The following FNDC3A variants were observed in gnomAD, a reference collection of about 807,000 sequenced individuals.
FNDC3A encodes the protein fibronectin type-III domain-containing protein 3A.
In FNDC3A, 32 loss-of-function variants were observed where a neutral mutation model predicts 148.9. That is an observed-to-expected ratio of 0.21 (90% confidence interval 0.16 to 0.29). The LOEUF is 0.29. FNDC3A is among the 10% of genes least tolerant of loss of function. The probability of loss-of-function intolerance (pLI) is 1.00; values close to 1 mark genes in which losing one functional copy is unlikely to be tolerated. For synonymous variants in FNDC3A, 472 were observed against 473.6 expected (o/e 1.00, Z 0.04); for missense variants, 1,191 against 1,452.8 (o/e 0.82, Z 2.93).
At chr13:49,078,729 T>C (rs1878278915) in intron 3 of FNDC3A, among the ~76,000 whole-genome samples, 1 of 152,222 alleles carries the variant, frequency 6.6e-6, no homozygotes, top group Non-Finnish European at 1.5e-5. Context: ...CACTAGTTTC[T>C]GTCATATGGC....
chr13:49,054,080 T>TGA (rs1210982391), intron 2 of FNDC3A, among the ~76,000 whole-genome samples: 1 of 152,112 alleles, frequency 6.6e-6, no homozygotes, highest in East Asian at 1.9e-4. Context: ...GTGCCTGAAC[T>TGA]CCAAAGGGAG....
intron 3 of FNDC3A, among the ~76,000 whole-genome samples, chr13:49,091,399 C>T (rs1204597105): frequency 1.3e-5 from 2 of 151,532 alleles, no homozygotes; most frequent in African/African-American, 4.8e-5. Context: ...TTTAAAACAA[C>T]TCTCTTAAAG....
intron 8 of FNDC3A, among the ~76,000 whole-genome samples, chr13:49,159,196 T>C (rs1480600086): frequency 6.6e-6 from 1 of 152,240 alleles, no homozygotes; most frequent in African/African-American, 2.4e-5. Flanking sequence ...ATTGAATCTA[T>C]AAATTACCTT....
At chr13:49,103,787 A>G (rs769591180) in intron 3 of FNDC3A, among the ~76,000 whole-genome samples, 5 of 152,228 alleles carry the variant, frequency 3.3e-5, no homozygotes, top group Admixed American at 6.5e-5. Context: ...AGATTAACTT[A>G]TCATGGGAAA....
At chr13:49,126,355 G>A (rs1160337709) in intron 4 of FNDC3A, among the ~76,000 whole-genome samples, 1 of 151,780 alleles carries the variant, frequency 6.6e-6, no homozygotes, top group Non-Finnish European at 1.5e-5. Flanking sequence ...ATGGCATTAG[G>A]TACATTTACA....
chr13:49,009,507 G>A (rs924432870), intron 2 of FNDC3A, among the ~76,000 whole-genome samples: 1 of 152,142 alleles, frequency 6.6e-6, no homozygotes, highest in Non-Finnish European at 1.5e-5. Flanking sequence ...TTGTGCGGTA[G>A]GGCTGTGTTT....
Position 49,156,651 on chromosome 13 carries a change from G to A in FNDC3A, c.978-10593G>A, listed in dbSNP as rs185032332. ...TACATTTTGGCATGATTTTGCAGCGGCTGGTACCAGTTGTTGCTTTCCATG... is the reference window on the plus strand; with the variant it reads ...TACATTTTGGCATGATTTTGCAGCGACTGGTACCAGTTGTTGCTTTCCATG... On this transcript the variant is annotated intron_variant, in intron 8 of 25. Transcript: ENST00000492622. Among the ~76,000 whole-genome samples the A allele has an allele frequency of 9.0e-3, 1,366 of 151,232 alleles. 12 individuals are homozygous for A. The highest frequency in any genetic ancestry group is 0.021 in the African/African-American group (883 of 41,090).
At chr13:49,117,335 G>C (rs898620387) in intron 4 of FNDC3A, among the ~76,000 whole-genome samples, 59 of 152,208 alleles carry the variant, frequency 3.9e-4, no homozygotes, top group African/African-American at 1.3e-3. Context: ...CCATTTTCTT[G>C]ATACTTTCAA....
At chr13:49,009,879 CA>C (rs1225737205) in intron 2 of FNDC3A, among the ~76,000 whole-genome samples, 2 of 152,202 alleles carry the variant, frequency 1.3e-5, no homozygotes, top group Non-Finnish European at 2.9e-5. Context: ...GCCTATTATA[CA>C]GTCTTTATTA....
At chr13:49,193,885 A>T (rs1886018271) in intron 19 of FNDC3A, among the ~76,000 whole-genome samples, 1 of 151,946 alleles carries the variant, frequency 6.6e-6, no homozygotes, top group South Asian at 2.1e-4. Flanking sequence ...ATGCCACTAC[A>T]TCCAGCCTGG....
At chr13:49,050,012 G>C (rs542203266) in intron 2 of FNDC3A, among the ~76,000 whole-genome samples, 1 of 152,186 alleles carries the variant, frequency 6.6e-6, no homozygotes, top group African/African-American at 2.4e-5. Flanking sequence ...GAGCCACGGC[G>C]AACAGCCTTC....
chr13:48,988,998 A>G (rs1036397741), intron 1 of FNDC3A, among the ~76,000 whole-genome samples: 2 of 152,224 alleles, frequency 1.3e-5, no homozygotes, highest in African/African-American at 2.4e-5. Flanking sequence ...AAAAGATTGT[A>G]TATAGAACAG....
At chr13:49,059,664 C>G (rs932610893) in intron 2 of FNDC3A, among the ~76,000 whole-genome samples, 2 of 152,100 alleles carry the variant, frequency 1.3e-5, no homozygotes, top group African/African-American at 4.8e-5. Context: ...CCATGTTAGC[C>G]AGGCTGGTCT....
chr13:49,011,250 T>C (rs74698423), intron 2 of FNDC3A, among the ~76,000 whole-genome samples: 1 of 152,104 alleles, frequency 6.6e-6, no homozygotes, highest in Non-Finnish European at 1.5e-5. Context: ...CTTTTTTTTT[T>C]TGAGACAGGG....
At chr13:49,028,026 A>T (rs762914454) in intron 2 of FNDC3A, among the ~76,000 whole-genome samples, 7 of 152,062 alleles carry the variant, frequency 4.6e-5, no homozygotes, top group Non-Finnish European at 8.8e-5. Context: ...CAGCCTGACT[A>T]ACATGGCGAA....
intron 2 of FNDC3A, among the ~76,000 whole-genome samples, chr13:49,041,345 C>G (rs768777168): frequency 5.9e-5 from 9 of 152,182 alleles, no homozygotes; most frequent in Non-Finnish European, 1.3e-4. Context: ...CTCTGCCATA[C>G]CATGAAGGCG....
intron 3 of FNDC3A, among the ~76,000 whole-genome samples, chr13:49,084,449 A>AT (rs1412918990): frequency 6.6e-6 from 1 of 152,216 alleles, no homozygotes; most frequent in East Asian, 1.9e-4. Context: ...AGTTTTCAAT[A>AT]TGAGCACCAT....
chr13:49,088,470 T>A (rs1878960109), intron 3 of FNDC3A, among the ~76,000 whole-genome samples: 1 of 152,182 alleles, frequency 6.6e-6, no homozygotes. Flanking sequence ...TACTACTACT[T>A]CTAGATTGAA....
intron 3 of FNDC3A, among the ~76,000 whole-genome samples, chr13:49,081,852 G>A (rs997312691): frequency 2.0e-5 from 3 of 152,062 alleles, no homozygotes; most frequent in African/African-American, 4.8e-5. Context: ...TACCTTTATA[G>A]GAAGATGAAA....
Sources: gnomAD v4.1 joint callset for allele counts (sites outside exome capture counted in the v4.1 genomes callset) on GRCh38, gnomAD v4.1.1 for gene constraint, MANE v1.5 for transcripts, NCBI Gene and HGNC (gene_info 2026-07-23, HGNC 2026-07-21) for gene names.